Variants in SMURF2 observed in about 807,000 individuals in gnomAD.
SMURF2 encodes SMAD specific E3 ubiquitin protein ligase 2, also known as E3 ubiquitin-protein ligase SMURF2.
In SMURF2, 48 loss-of-function variants were observed where a neutral mutation model predicts 109.6. The ratio of observed to expected loss-of-function variants is 0.44; its 90% confidence interval spans 0.35 to 0.56. The LOEUF is 0.56. SMURF2 is among the 20% of genes least tolerant of loss of function. SMURF2 has a pLI of 0.01. For missense variants in SMURF2, 575 were observed against 909.0 expected (o/e 0.63, Z 4.72); for synonymous variants, 288 against 317.1 (o/e 0.91, Z 0.97).
intron 12 of SMURF2, among the ~76,000 whole-genome samples, chr17:64,558,566 A>G (rs1350445358): frequency 6.6e-6 from 1 of 152,226 alleles, no homozygotes. Context: ...CATTCACTGT[A>G]TAAACCCTGA....
At chr17:64,585,732 C>T (rs145599908) in intron 6 of SMURF2, among the ~76,000 whole-genome samples, 128 of 152,294 alleles carry the variant, frequency 8.4e-4, no homozygotes, top group African/African-American at 2.7e-3. Flanking sequence ...TCCATCCCAT[C>T]CCTCTTAAAT....
intron 8 of SMURF2, 118 bp downstream of exon 8, chr17:64,580,671 A>T (rs1048886456): frequency 9.5e-7 from 1 of 1,055,124 alleles, no homozygotes; most frequent in Non-Finnish European, 1.4e-6. Context: ...TTTTATATTT[A>T]TTTTCATGCA....
chr17:64,624,859 G>T (rs1179323939), intron 1 of SMURF2, among the ~76,000 whole-genome samples: 1 of 152,010 alleles, frequency 6.6e-6, no homozygotes, highest in Non-Finnish European at 1.5e-5. Context: ...AAAGAAAATA[G>T]TATTGCCTCA....
At chr17:64,620,472 G>C (rs781917338) in intron 1 of SMURF2, among the ~76,000 whole-genome samples, 2 of 152,124 alleles carry the variant, frequency 1.3e-5, no homozygotes, top group African/African-American at 2.4e-5. Context: ...CCCCTAGACT[G>C]ACAAGCTCAT....
Position 64,551,645 on chromosome 17 carries a change from TTC to T in SMURF2, c.1806_1807del (p.Lys603ArgfsTer3). 1 of 1,614,116 alleles carries T rather than the reference TTC, an allele frequency of 6.2e-7. No homozygotes were observed. The highest frequency in any genetic ancestry group is 1.6e-4 in the Middle Eastern group (1 of 6,062). ...TTGTGGAATTACTTCATTAAATCCT[TTC>T]TGCAGAGCCAAGAATTGAGCCTCAA... On this transcript the variant is annotated frameshift_variant, in exon 16 of 19. Transcript: ENST00000262435. LOFTEE classifies it high-confidence loss of function.
chr17:64,582,146 C>G (rs868929327), intron 7 of SMURF2, among the ~76,000 whole-genome samples: 3 of 152,040 alleles, frequency 2.0e-5, no homozygotes, highest in South Asian at 2.1e-4. Flanking sequence ...CAATAAATTC[C>G]TTGGCAGTTT....
At chr17:64,604,733 CAGGCATTCG>C (rs1387344212) in intron 2 of SMURF2, among the ~76,000 whole-genome samples, 3 of 152,056 alleles carry the variant, frequency 2.0e-5, no homozygotes, top group Non-Finnish European at 4.4e-5. Flanking sequence ...ATCACGAGGT[CAGGCATTCG>C]AGACCAGCCT....
chr17:64,651,828 G>A (rs1424501596), intron 1 of SMURF2, among the ~76,000 whole-genome samples: 4 of 151,996 alleles, frequency 2.6e-5, no homozygotes, highest in South Asian at 2.1e-4. Flanking sequence ...AGGCTGAGGC[G>A]GGAGGATCAC....
intron 10 of SMURF2, among the ~76,000 whole-genome samples, chr17:64,568,826 AC>A (rs1969354436): frequency 6.6e-6 from 1 of 151,594 alleles, no homozygotes; most frequent in Non-Finnish European, 1.5e-5. Context: ...ACACGGTGAA[AC>A]TTCGTCTCTA....
intron 4 of SMURF2, 61 bp from the exon 5 acceptor site, chr17:64,591,210 C>A: frequency 8.5e-7 from 1 of 1,183,140 alleles, no homozygotes. Context: ...ATTCTAACAT[C>A]TATAGAGTGA....
intron 1 of SMURF2, among the ~76,000 whole-genome samples, chr17:64,653,797 T>G (rs1355122181): frequency 6.6e-6 from 1 of 152,192 alleles, no homozygotes; most frequent in Non-Finnish European, 1.5e-5. Context: ...AGCCATGTAC[T>G]CAAATGTTTA....
chr17:64,585,785 ATAATT>A (rs1364767316), intron 6 of SMURF2, among the ~76,000 whole-genome samples: 2 of 152,238 alleles, frequency 1.3e-5, no homozygotes, highest in Admixed American at 1.3e-4. Context: ...CCTGTTTTGA[ATAATT>A]TAATCAAGCA....
chr17:64,580,927 T>C lies in SMURF2; in HGVS notation c.634A>G (p.Ile212Val), dbSNP rs372783841. The C allele has an allele frequency of 5.6e-6, 9 of 1,614,094 alleles. No homozygotes were observed. The highest frequency in any genetic ancestry group is 2.7e-5 in the African/African-American group (2 of 74,946). Residue 212 changes from isoleucine (I) to valine (V), a missense_variant, in exon 8 of 19, where the codon ATT becomes GTT. Ile to Val is a conservative substitution (Grantham distance 29). Around this residue, in one of 5 missense-constraint regions of SMURF2, gnomAD observed 151 missense variants for 178.4 expected, o/e 0.85. Transcript: ENST00000262435. ...LSCFVDENTP[I>V]SGTNGATCGQ... ...CATGTTGCACCATTTGTTCCACTAATTGGAGTGTTCTCATCAACAAAGCAG... is the reference window on the plus strand; with the variant it reads ...CATGTTGCACCATTTGTTCCACTAACTGGAGTGTTCTCATCAACAAAGCAG...
intron 1 of SMURF2, among the ~76,000 whole-genome samples, chr17:64,629,233 G>C (rs1466631857): frequency 1.3e-5 from 2 of 152,218 alleles, no homozygotes; most frequent in Admixed American, 1.3e-4. Flanking sequence ...AGAAAAGTGT[G>C]TGTACACCTA....
At chr17:64,573,939 G>C (rs969421341) in intron 9 of SMURF2, among the ~76,000 whole-genome samples, 1 of 152,146 alleles carries the variant, frequency 6.6e-6, no homozygotes. Flanking sequence ...GGAACACATG[G>C]ACACATGGAG....
chr17:64,566,566 T>G lies in SMURF2; in HGVS notation c.1017-3600A>C, dbSNP rs202138483. Reference sequence around the variant, plus strand: ...AGAAATGCTTAAGCTTTCTGGTTTTTTTTTTTTTTTTTTTTTTTTTTTTTT... The same window carrying G: ...AGAAATGCTTAAGCTTTCTGGTTTTGTTTTTTTTTTTTTTTTTTTTTTTTT... On this transcript the variant is annotated intron_variant, in intron 10 of 18. Transcript: ENST00000262435. Among the ~76,000 whole-genome samples the G allele has an allele frequency of 7.3e-4, 46 of 63,204 alleles. 1 individual carries two copies. Among genetic ancestry groups the G allele is most frequent in the Admixed American group, 9.9e-4 (5 of 5,050 alleles). The allele number at this position is 63,204 out of a possible 152,430, so 41.5% of individuals were successfully genotyped here. A position where few individuals can be genotyped will look rare whatever the true frequency, so the allele number is the denominator to read the frequency against.
At chr17:64,661,643 CTTT>C (rs1970778645) in intron 1 of SMURF2, among the ~76,000 whole-genome samples, 183 bp downstream of exon 1, 1 of 152,102 alleles carries the variant, frequency 6.6e-6, no homozygotes, top group African/African-American at 2.4e-5. Flanking sequence ...TCATCCTCGG[CTTT>C]TTAAACAATG....
intron 10 of SMURF2, among the ~76,000 whole-genome samples, chr17:64,565,577 A>C (rs2144611114): frequency 6.6e-6 from 1 of 152,172 alleles, no homozygotes; most frequent in East Asian, 1.9e-4. Flanking sequence ...GAAGGGAAAT[A>C]AGTAATTAGT....
intron 9 of SMURF2, among the ~76,000 whole-genome samples, chr17:64,576,645 C>G (rs1476449737): frequency 6.6e-6 from 1 of 150,956 alleles, no homozygotes; most frequent in Admixed American, 6.6e-5. Context: ...GCCTGGACAA[C>G]AGAATGAGAC....
Sources: gnomAD v4.1 joint callset for allele counts (sites outside exome capture counted in the v4.1 genomes callset) on GRCh38, gnomAD v4.1.1 for gene constraint, gnomAD v4.1.1 regional missense constraint, MANE v1.5 for transcripts, NCBI Gene and HGNC (gene_info 2026-07-23, HGNC 2026-07-21) for gene names.